Variants in GPCPD1 observed in about 807,000 individuals in gnomAD.
GPCPD1 encodes glycerophosphocholine phosphodiesterase GPCPD1.
A neutral mutation model predicts 89.2 loss-of-function variants in GPCPD1; 29 were observed. The observed-to-expected ratio is 0.33, with a 90% CI of 0.24 to 0.44. GPCPD1 has a LOEUF of 0.44. Ranked by LOEUF, GPCPD1 falls within the 20% of genes least tolerant of loss-of-function variation. GPCPD1 has a pLI of 1.00. For synonymous variants in GPCPD1, 258 were observed against 266.3 expected, an observed-to-expected ratio of 0.97 and a Z score of 0.30; for missense variants, 594 against 808.9, an observed-to-expected ratio of 0.73 and a Z score of 3.22.
chr20:5,570,350 C>A, intron 11 of GPCPD1, 111 bp from the exon 12 acceptor site: 2 of 254,474 alleles, frequency 7.9e-6, no homozygotes, highest in East Asian at 1.0e-4. Context: ...CCTGTACAAA[C>A]TTTTTCTAAA....
chr20:5,601,629 A>G (rs911171632), intron 2 of GPCPD1, among the ~76,000 whole-genome samples: 3 of 152,028 alleles, frequency 2.0e-5, no homozygotes, highest in Admixed American at 6.6e-5. Context: ...TCGGCCTCCT[A>G]AAGTGCTGGG....
intron 1 of GPCPD1, among the ~76,000 whole-genome samples, chr20:5,607,590 GA>G (rs899460060): frequency 5.6e-5 from 8 of 143,008 alleles, no homozygotes; most frequent in African/African-American, 1.3e-4. Flanking sequence ...AAAAGAAAAA[GA>G]AAAAAAAAAG....
rs1488637390 is a variant in GPCPD1, at chr20:5,554,069, GGCCATTCTCCT to G, written c.1829+3865_1829+3875del. Among the ~76,000 whole-genome samples, 3 of 136,020 alleles carry G rather than the reference GGCCATTCTCCT, an allele frequency of 2.2e-5. 1 individual carries two copies. Among genetic ancestry groups the G allele is most frequent in the Non-Finnish European group, 4.7e-5 (3 of 63,770 alleles). 89.2% of individuals were successfully genotyped at this position (136,020 alleles called of 152,430 possible). A position where few individuals can be genotyped will look rare whatever the true frequency, so the allele number is the denominator to read the frequency against. Reference sequence around the variant, plus strand: ...CTGCAAGCTCCGACTCCTCGGTTCAGGCCATTCTCCTGCCTCAGCCTCCCGAGTAGCTGGGA... The same window carrying G: ...CTGCAAGCTCCGACTCCTCGGTTCAGGCCTCAGCCTCCCGAGTAGCTGGGA... On this transcript the variant is annotated intron_variant, in intron 19 of 19. Transcript: ENST00000379019.
At chr20:5,550,542 A>G (rs1448949578) in intron 19 of GPCPD1, among the ~76,000 whole-genome samples, 1 of 152,194 alleles carries the variant, frequency 6.6e-6, no homozygotes, top group Non-Finnish European at 1.5e-5. Flanking sequence ...GAATTCCCAA[A>G]CTCTGGTAAT....
intron 12 of GPCPD1, chr20:5,567,845 G>A: frequency 3.8e-6 from 1 of 263,612 alleles, no homozygotes; most frequent in South Asian, 9.9e-5. Flanking sequence ...GAAGACAGCT[G>A]AGGATAGAAC....
rs73896218 is a variant in GPCPD1, at chr20:5,553,397, T to A, written c.1829+4548A>T. Among the ~76,000 whole-genome samples, 1,439 of 152,210 alleles carry A rather than the reference T, an allele frequency of 9.5e-3. 26 individuals carry two copies. Among genetic ancestry groups the A allele is most frequent in the African/African-American group, 0.033 (1,351 of 41,522 alleles). On this transcript the variant is annotated intron_variant, in intron 19 of 19. Transcript: ENST00000379019. ...TGGCCTCCCTATTCTCAGAGACACA[T>A]CCATACTGAAATCAGGCCAATTAAC...
intron 19 of GPCPD1, among the ~76,000 whole-genome samples, chr20:5,553,271 T>C (rs1985538159): frequency 6.6e-6 from 1 of 152,236 alleles, no homozygotes; most frequent in Non-Finnish European, 1.5e-5. Flanking sequence ...GATGTCACTA[T>C]TGTAATTGTT....
At chr20:5,604,175 A>T (rs1250379871) in intron 2 of GPCPD1, among the ~76,000 whole-genome samples, 189 bp downstream of exon 2, 1 of 152,176 alleles carries the variant, frequency 6.6e-6, no homozygotes, top group East Asian at 1.9e-4. Flanking sequence ...TGAGAACAAG[A>T]CAGAGTTTGA....
At chr20:5,602,114 G>C (rs538031297) in intron 2 of GPCPD1, among the ~76,000 whole-genome samples, 8 of 152,190 alleles carry the variant, frequency 5.3e-5, no homozygotes, top group Non-Finnish European at 1.2e-4. Flanking sequence ...CCTTCCTCCT[G>C]TGCAGTGAGG....
intron 2 of GPCPD1, among the ~76,000 whole-genome samples, chr20:5,601,918 T>C (rs1347451106): frequency 1.3e-5 from 2 of 152,192 alleles, no homozygotes; most frequent in African/African-American, 4.8e-5. Flanking sequence ...AATTTTTCAC[T>C]AAAACAAACA....
At chr20:5,568,062 A>G (rs1028805570) in intron 12 of GPCPD1, among the ~76,000 whole-genome samples, 2 of 152,126 alleles carry the variant, frequency 1.3e-5, no homozygotes, top group Non-Finnish European at 2.9e-5. Flanking sequence ...GATTAGCTAT[A>G]AACCATAATA....
intron 1 of GPCPD1, among the ~76,000 whole-genome samples, chr20:5,609,065 G>A (rs1212453665): frequency 1.3e-5 from 2 of 152,194 alleles, no homozygotes; most frequent in Non-Finnish European, 2.9e-5. Context: ...AAAGGGATAT[G>A]AAGTAAACCA....
intron 1 of GPCPD1, among the ~76,000 whole-genome samples, chr20:5,605,587 T>A (rs1980527054): frequency 2.0e-5 from 3 of 152,144 alleles, no homozygotes; most frequent in Admixed American, 1.3e-4. Flanking sequence ...AAGACCAGCC[T>A]GACCAACATG....
intron 14 of GPCPD1, 65 bp downstream of exon 14, chr20:5,566,668 C>T (rs1986407979): frequency 8.6e-6 from 8 of 933,162 alleles, no homozygotes; most frequent in Middle Eastern, 2.1e-4. Flanking sequence ...GTGCTAAAAT[C>T]GATTTTAAAA....
chr20:5,588,831 GAAAAAGAAAAA>G (rs1277125307), intron 4 of GPCPD1, among the ~76,000 whole-genome samples: 12 of 143,522 alleles, frequency 8.4e-5, no homozygotes, highest in Admixed American at 4.1e-4. Context: ...TCTCAAAAAA[GAAAAAGAAAAA>G]AAAAAGAAAA....
At position 5,546,046 on chromosome 20, in the gene GPCPD1, T is replaced by C. The variant is rs1450809443; in HGVS notation, c.*1615A>G. 6.6e-6 allele frequency: 1 copy of C among 152,160 alleles called. No individual in the cohort carries two copies. The highest frequency in any genetic ancestry group is 2.4e-5 in the African/African-American group (1 of 41,414). 9.4% of individuals were successfully genotyped at this position (152,160 alleles called of 1,614,324 possible). On this transcript the variant is annotated 3_prime_UTR_variant, in exon 20 of 20. Transcript: ENST00000379019. ...TCTGCAGATGAAGGAAACTAATTCT[T>C]TTTCAGGAGTTTTCCAAAAGTGCCC...
Position 5,544,700 on chromosome 20 carries a change from G to A in GPCPD1, c.*2961C>T, listed in dbSNP as rs1195615163. On this transcript the variant is annotated 3_prime_UTR_variant, in exon 20 of 20. Transcript: ENST00000379019. Reference sequence around the variant, plus strand: ...ACCCAGTATATCAGTTAACCTCTCTGGGTTTTTTCCCAGCTACAACATTAA... The same window carrying A: ...ACCCAGTATATCAGTTAACCTCTCTAGGTTTTTTCCCAGCTACAACATTAA... 1 of 152,180 alleles carries A rather than the reference G, an allele frequency of 6.6e-6. No homozygotes were observed. Among genetic ancestry groups the A allele is most frequent in the Non-Finnish European group, 1.5e-5 (1 of 68,048 alleles). 9.4% of individuals were successfully genotyped at this position (152,180 alleles called of 1,614,324 possible). A position where few individuals can be genotyped will look rare whatever the true frequency, so the allele number is the denominator to read the frequency against.
intron 1 of GPCPD1, 84 bp from the exon 2 acceptor site, chr20:5,604,524 C>G (rs1285081538): frequency 4.6e-5 from 24 of 519,970 alleles, no homozygotes; most frequent in Non-Finnish European, 2.7e-5. Context: ...CAACCAAGAG[C>G]TATTTATATT....
chr20:5,573,084 TTC>T (rs759089996), intron 11 of GPCPD1, among the ~76,000 whole-genome samples: 182 of 124,270 alleles, frequency 1.5e-3, no homozygotes, highest in African/African-American at 5.2e-3. Flanking sequence ...AAATCTTTCC[TTC>T]TTTTTTTTTT....
Sources: gnomAD v4.1 joint callset for allele counts (sites outside exome capture counted in the v4.1 genomes callset) on GRCh38, gnomAD v4.1.1 for gene constraint, MANE v1.5 for transcripts, NCBI Gene and HGNC (gene_info 2026-07-23, HGNC 2026-07-21) for gene names.